Variants in ABCA7 observed in about 807,000 individuals in gnomAD.
ABCA7 encodes ATP binding cassette subfamily A member 7.
ABCA7 carries 261 observed loss-of-function variants against 227.6 expected under a neutral mutation model. The ratio of observed to expected loss-of-function variants is 1.15; its 90% CI spans 1.04 to 1.27. The LOEUF (loss-of-function observed/expected upper bound fraction) is 1.27, where lower values mean the gene tolerates loss of function less well. Ranked by LOEUF, ABCA7 falls within the 50% of genes most tolerant of loss-of-function variation. The probability of loss-of-function intolerance (pLI) is 0.00; values close to 1 mark genes in which losing one functional copy is unlikely to be tolerated. For synonymous variants in ABCA7, 1,488 were observed against 1,279.7 expected, an observed-to-expected ratio of 1.16 and a Z score of -3.47; for missense variants, 3,331 against 2,924.5, an observed-to-expected ratio of 1.14 and a Z score of -3.21.
intron 12 of ABCA7, 109 bp from the exon 13 acceptor site, chr19:1,046,121 C>A: frequency 7.7e-7 from 1 of 1,304,778 alleles, no homozygotes; most frequent in South Asian, 1.3e-5. Flanking sequence ...GCTCTTCACT[C>A]CAGCCTGGGC....
intron 20 of ABCA7, 71 bp downstream of exon 20, chr19:1,051,365 G>A: frequency 1.3e-6 from 2 of 1,588,386 alleles, no homozygotes; most frequent in South Asian, 1.1e-5. Flanking sequence ...GCAGGGGGAA[G>A]CCGGGTACTG....
Position 1,047,345 on chromosome 19 carries a change from G to A in ABCA7, c.2034G>A (p.Arg678=), listed in dbSNP as rs1650297456. Residue 678 remains arginine, a synonymous_variant, in exon 15 of 47, where the codon CGG becomes CGA. Coordinates refer to ENST00000263094, the MANE Select transcript of ABCA7 (RefSeq NM_019112.4). ...YLPYVLCVAW[R]DRLPAGGRVA... The stretch of plus-strand genomic sequence containing the variant: ...CCTACGTGCTGTGTGTGGCTTGGCG[G>A]GACCGGCTGCCCGCGGGTGGCCGCG... 1 of 1,582,612 alleles carries A rather than the reference G, an allele frequency of 6.3e-7. No individual in the cohort carries two copies.
Position 1,045,200 on chromosome 19 carries a change from G to T in ABCA7, c.1414G>T (p.Val472Leu). The T allele has an allele frequency of 1.2e-6, 2 of 1,611,998 alleles. No individual in the cohort carries two copies. Among genetic ancestry groups the T allele is most frequent in the Non-Finnish European group, 1.7e-6 (2 of 1,179,514 alleles). ...VRIKIRMDID[V>L]VTRTNKIRDR... ...CATCAAAATCCGCATGGACATTGAC[G>T]TGGTCACGAGGACCAATAAGATCAG... is the stretch of plus-strand genomic sequence containing the variant. The change falls in exon 12 of 47, where the codon GTG becomes TTG. Residue 472 changes from valine (V) to leucine (L), a missense_variant. Physicochemically the swap from Val to Leu is conservative, Grantham distance 32. Coordinates refer to ENST00000263094, the MANE Select transcript of ABCA7 (RefSeq NM_019112.4).
chr19:1,064,288 G>A (rs1454887279), intron 45 of ABCA7, 35 bp downstream of exon 45: 2 of 1,530,464 alleles, frequency 1.3e-6, no homozygotes, highest in Non-Finnish European at 1.8e-6. Context: ...GGTGTGGGGT[G>A]AGGGTGGGCA....
chr19:1,063,979 G>A (rs549961751), intron 44 of ABCA7, 116 bp downstream of exon 44: 5 of 1,378,286 alleles, frequency 3.6e-6, no homozygotes, highest in South Asian at 2.9e-5. Context: ...GGGCGAGGGC[G>A]CCAGGCCCCG....
At chr19:1,060,408 A>G (rs941663795) in intron 40 of ABCA7, among the ~76,000 whole-genome samples, 1 of 150,860 alleles carries the variant, frequency 6.6e-6, no homozygotes, top group Non-Finnish European at 1.5e-5. Flanking sequence ...ACGGGGTTTC[A>G]CCATGTTGGC....
In ABCA7 at chr19:1,057,990, C is replaced by A; in HGVS notation, c.4956C>A (p.Thr1652=). The A allele has an allele frequency of 6.2e-7, 1 of 1,614,054 alleles. No homozygotes were observed. The highest frequency in any genetic ancestry group is 8.5e-7 in the Non-Finnish European group (1 of 1,180,018). The change falls in exon 36 of 47, where the codon ACC becomes ACA. Residue 1652 remains threonine (T), a synonymous_variant. Transcript: ENST00000263094. ...SVPSTAYVVL[T]CINLFIGING... is the part of the protein sequence containing the mutation. ...CCAGCACAGCCTATGTGGTGCTCAC[C>A]TGCATAAACCTCTTTATTGGCATCA...
chr19:1,047,123 G>T, intron 14 of ABCA7, 34 bp from the exon 15 acceptor site: 1 of 1,578,182 alleles, frequency 6.3e-7, no homozygotes. Context: ...GCCAATCCAG[G>T]AGCTGCACCC....
chr19:1,041,463 AG>A (rs766250301), intron 2 of ABCA7, 36 bp downstream of exon 2: 21 of 1,613,668 alleles, frequency 1.3e-5, no homozygotes, highest in Non-Finnish European at 1.7e-5. Context: ...CCGGGTGGGC[AG>A]GCAGCCCCCA....
In ABCA7 at chr19:1,047,498, G is replaced by A. The variant is rs757471151; in HGVS notation, c.2113G>A (p.Ala705Thr). Residue 705 changes from alanine (A) to threonine (T), a missense_variant, in exon 16 of 47, where the codon GCT becomes ACT. By Grantham distance (58) the Ala-to-Thr change is moderately conservative (BLOSUM62 0). Coordinates refer to ENST00000263094, the MANE Select transcript of ABCA7 (RefSeq NM_019112.4). ...VAFGFGCESL[A>T]LLEEQGEGAQ... Reference sequence around the variant, plus strand: ...CTTCGGCTTCGGCTGCGAGAGCCTGGCTCTGCTGGAGGAGCAGGGCGAGGG... The same window carrying A: ...CTTCGGCTTCGGCTGCGAGAGCCTGACTCTGCTGGAGGAGCAGGGCGAGGG... 2 of 1,579,712 alleles carry A rather than the reference G, an allele frequency of 1.3e-6. No homozygotes were observed. The highest frequency in any genetic ancestry group is 1.7e-5 in the Admixed American group (1 of 57,182).
rs1182022878 is a variant in ABCA7 at position 1,065,113 on chromosome 19, TGCACGGCGCAGA to T, written c.6236_6247del (p.Ala2079_Gly2082del). The stretch of plus-strand genomic sequence containing the variant: ...GCGCGCGTCTTTGGAGAGCTGGCGG[TGCACGGCGCAGA>T]GCACGGCGTGGAGGACTTTTCCGTG... On this transcript the variant is annotated inframe_deletion, in exon 46 of 47. Coordinates refer to ENST00000263094, the MANE Select transcript of ABCA7 (RefSeq NM_019112.4). 26 of 1,588,412 alleles carry T rather than the reference TGCACGGCGCAGA, an allele frequency of 1.6e-5. No homozygotes were observed. The highest frequency in any genetic ancestry group is 2.3e-5 in the East Asian group (1 of 43,504).
At chr19:1,049,901 CCCCCCACCACTCCCTCCCTGTGAGT>C (rs2041325863) in intron 18 of ABCA7, among the ~76,000 whole-genome samples, 1 of 13,498 alleles carries the variant, frequency 7.4e-5, no homozygotes, top group East Asian at 7.9e-4. Context: ...CCCTGTGAGC[CCCCCCACCACTCCCTCCCTGTGAGT>C]TCCCCCACCA....
In ABCA7 at chr19:1,054,264, A is replaced by T. The variant is rs781157862; in HGVS notation, c.3649A>T (p.Thr1217Ser). The stretch of plus-strand genomic sequence containing the variant: ...GGGCCGGGTACAGGGCTGGGCACTG[A>T]CCCGCCAGCAGCTCCAGGCCCTGCT... ...AVGRVQGWALTRQQLQALLLK... is the reference protein window; with the variant it reads ...AVGRVQGWALSRQQLQALLLK... Residue 1217 changes from threonine to serine, a missense_variant, in exon 27 of 47, where the codon ACC becomes TCC. Thr to Ser is a moderately conservative substitution (Grantham distance 58). Transcript: ENST00000263094. The surrounding 1 kb of genome is among the most constrained non-coding windows in gnomAD (Gnocchi z 4.8). 1 of 1,605,256 alleles carries T rather than the reference A, an allele frequency of 6.2e-7. No individual in the cohort carries two copies. The highest frequency in any genetic ancestry group is 1.3e-5 in the African/African-American group (1 of 74,528).
At chr19:1,041,628 C>T (rs1177581735) in intron 3 of ABCA7, 25 bp downstream of exon 3, 3 of 1,606,768 alleles carry the variant, frequency 1.9e-6, no homozygotes, top group African/African-American at 1.3e-5. Context: ...GGACCAGGCA[C>T]TTTGTGTGTG....
rs776722260 is a variant in ABCA7, at chr19:1,047,413, C to T, written c.2067+35C>T. On this transcript the variant is annotated intron_variant, in intron 15 of 46. Transcript: ENST00000263094. The stretch of plus-strand genomic sequence containing the variant: ...GGGTCGGGCGTGGATGGGGGACGCC[C>T]CCCGCTTCGGCCGCTCACTGACCGC... 3 of 1,541,924 alleles carry T rather than the reference C, an allele frequency of 1.9e-6. No homozygotes were observed. In the South Asian group the frequency reaches 3.5e-5, roughly 18 times the overall value.
At position 1,041,923 on chromosome 19, in the gene ABCA7, CT is replaced by C. The variant is rs758503836; in HGVS notation, c.254del (p.Leu85ArgfsTer10). The C allele has an allele frequency of 6.3e-7, 1 of 1,599,684 alleles. No homozygotes were observed. Among genetic ancestry groups the C allele is most frequent in the Non-Finnish European group, 8.5e-7 (1 of 1,177,768 alleles). On this transcript the variant is annotated frameshift_variant, in exon 4 of 47. Coordinates refer to ENST00000263094, the MANE Select transcript of ABCA7 (RefSeq NM_019112.4). LOFTEE classifies it high-confidence loss of function. The part of the protein sequence containing the change: ...CNVNNTCFPQ[L>X]TPGEEPGRLS... ...TGTGAACAACACCTGCTTTCCGCAGCTGACACCGGGCGAGGAGCCCGGGCGC... is the reference window on the plus strand; with the variant it reads ...TGTGAACAACACCTGCTTTCCGCAGCGACACCGGGCGAGGAGCCCGGGCGC...
chr19:1,047,047 G>T lies in ABCA7; in HGVS notation c.1845+23G>T, dbSNP rs371514325. The T allele has an allele frequency of 5.0e-5, 77 of 1,552,184 alleles. No homozygotes were observed. The African/African-American group carries it at 9.4e-4, about 19-fold the overall frequency. Reference sequence around the variant, plus strand: ...AAGGTGGGCGCGCCTCGGCCTGCCCGGCTGCAGAATGGGTGCGCTGGAGGG... The same window carrying T: ...AAGGTGGGCGCGCCTCGGCCTGCCCTGCTGCAGAATGGGTGCGCTGGAGGG... On this transcript the variant is annotated intron_variant, in intron 14 of 46. Transcript: ENST00000263094.
In ABCA7 at chr19:1,055,964, C is replaced by G. The variant is rs368598994; in HGVS notation, c.4238+25C>G. On this transcript the variant is annotated intron_variant, in intron 31 of 46. Coordinates refer to ENST00000263094, the MANE Select transcript of ABCA7 (RefSeq NM_019112.4). The stretch of plus-strand genomic sequence containing the variant: ...GGTGAGGAGGGGTCTAGCTTGGGGT[C>G]CCCTGCCCCAGTTCCACTCCCATGC... 63 of 1,577,210 alleles carry G rather than the reference C, an allele frequency of 4.0e-5. No homozygotes were observed. The African/African-American group carries it at 7.7e-4, about 19-fold the overall frequency.
intron 41 of ABCA7, 113 bp from the exon 42 acceptor site, chr19:1,062,059 C>T: frequency 2.6e-6 from 4 of 1,517,896 alleles, no homozygotes; most frequent in African/African-American, 1.4e-5. Context: ...CTGAGACACC[C>T]CTGTCCCTTA....
Sources: gnomAD v4.1 joint callset for allele counts (sites outside exome capture counted in the v4.1 genomes callset) on GRCh38, gnomAD v4.1.1 for gene constraint, Gnocchi (gnomAD v3.1) non-coding constraint, MANE v1.5 for transcripts, NCBI Gene and HGNC (gene_info 2026-07-23, HGNC 2026-07-21) for gene names.